The following LINGO2 variants were observed in gnomAD, a reference collection of about 807,000 sequenced individuals.
The protein encoded by LINGO2 is leucine rich repeat and Ig domain containing 2, also known as leucine-rich repeat and immunoglobulin-like domain-containing nogo receptor-interacting protein 2.
A neutral mutation model predicts 30.6 loss-of-function variants in LINGO2; 14 were observed. The observed-to-expected ratio is 0.46, with a 90% CI of 0.30 to 0.72. LINGO2 has a LOEUF of 0.72. Ranked by LOEUF, LINGO2 falls within the 30% of genes least tolerant of loss-of-function variation. The pLI, the probability that LINGO2 is intolerant of heterozygous loss-of-function variation, is 0.07. For synonymous variants in LINGO2, 317 were observed against 288.5 expected, an observed-to-expected ratio of 1.10 and a Z score of -1.00; for missense variants, 729 against 751.7, an observed-to-expected ratio of 0.97 and a Z score of 0.35.
At chr9:28,476,608 G>A (rs934695007) in intron 1 of LINGO2, among the ~76,000 whole-genome samples, 1 of 152,178 alleles carries the variant, frequency 6.6e-6, no homozygotes, top group African/African-American at 2.4e-5. Flanking sequence ...ATGAATAAAG[G>A]AAACTCATGT....
chr9:28,417,958 C>T (rs1452150978), intron 2 of LINGO2, among the ~76,000 whole-genome samples: 2 of 152,124 alleles, frequency 1.3e-5, no homozygotes, highest in African/African-American at 4.8e-5. Flanking sequence ...TAATCATTAA[C>T]TCCTTGGGTG....
the LINGO2 span, among the ~76,000 whole-genome samples, chr9:28,694,490 C>G: frequency 6.6e-6 from 1 of 151,994 alleles, no homozygotes; most frequent in African/African-American, 2.4e-5. Flanking sequence ...AAAGGATTTC[C>G]TGATGAAAAT....
the LINGO2 span, among the ~76,000 whole-genome samples, chr9:29,124,100 A>T: frequency 1.3e-5 from 2 of 152,294 alleles, no homozygotes; most frequent in African/African-American, 4.8e-5. Context: ...CCTCAGAAAT[A>T]AAACCACACA....
At chr9:28,831,056 G>C in the LINGO2 span, among the ~76,000 whole-genome samples, 2 of 152,176 alleles carry the variant, frequency 1.3e-5, no homozygotes, top group Non-Finnish European at 2.9e-5. Flanking sequence ...GGAAAATGGT[G>C]GATTTCTTTT....
intron 5 of LINGO2, among the ~76,000 whole-genome samples, chr9:27,995,255 C>T (rs1360267170): frequency 2.0e-5 from 3 of 152,024 alleles, no homozygotes; most frequent in African/African-American, 7.2e-5. Context: ...TAAAAAGCCT[C>T]CCATCATAAA....
intron 4 of LINGO2, among the ~76,000 whole-genome samples, chr9:28,084,921 T>C (rs1351284669): frequency 2.6e-5 from 4 of 152,164 alleles, no homozygotes; most frequent in Non-Finnish European, 5.9e-5. Flanking sequence ...AGAAGATCTT[T>C]TGCAGGAGCT....
the LINGO2 span, among the ~76,000 whole-genome samples, chr9:28,986,944 T>A: frequency 4.6e-5 from 7 of 152,058 alleles, no homozygotes; most frequent in Non-Finnish European, 1.0e-4. Flanking sequence ...TTTTTGTAGC[T>A]ATTATAACTG....
the LINGO2 span, among the ~76,000 whole-genome samples, chr9:28,891,543 A>G: frequency 6.6e-6 from 1 of 151,892 alleles, no homozygotes; most frequent in Non-Finnish European, 1.5e-5. Flanking sequence ...AAATCTACTA[A>G]TAACATTGTC....
chr9:27,942,945 A>T, the LINGO2 span: 1 of 152,166 alleles, frequency 6.6e-6, no homozygotes, highest in African/African-American at 2.4e-5. Flanking sequence ...AACTGGGGAG[A>T]AAAACAGCAT....
chr9:28,521,421 A>G (rs904589997), intron 1 of LINGO2, among the ~76,000 whole-genome samples: 1 of 152,158 alleles, frequency 6.6e-6, no homozygotes, highest in Non-Finnish European at 1.5e-5. Context: ...TAGATTCATG[A>G]GGCCCTATGG....
At chr9:28,686,832 T>C in the LINGO2 span, among the ~76,000 whole-genome samples, 1 of 152,032 alleles carries the variant, frequency 6.6e-6, no homozygotes, top group Non-Finnish European at 1.5e-5. Flanking sequence ...TAATTTCTGG[T>C]GATAGGAGTA....
intron 4 of LINGO2, among the ~76,000 whole-genome samples, chr9:28,258,447 A>T (rs145810506): frequency 0.01 from 1,540 of 152,034 alleles, 20 homozygotes; most frequent in South Asian, 0.051. Flanking sequence ...GTCAATATAA[A>T]CATATAAAAA....
the LINGO2 span, among the ~76,000 whole-genome samples, chr9:28,903,463 A>AT: frequency 6.6e-6 from 1 of 152,108 alleles, no homozygotes; most frequent in South Asian, 2.1e-4. Context: ...TTATTCATTC[A>AT]TTCATCCATC....
At chr9:27,955,749 G>T (rs1449359078) in intron 5 of LINGO2, among the ~76,000 whole-genome samples, 1 of 151,836 alleles carries the variant, frequency 6.6e-6, no homozygotes, top group Non-Finnish European at 1.5e-5. Context: ...AAACATCTTT[G>T]TGCATACTTA....
At chr9:28,807,079 C>A in the LINGO2 span, among the ~76,000 whole-genome samples, 1 of 151,786 alleles carries the variant, frequency 6.6e-6, no homozygotes, top group Non-Finnish European at 1.5e-5. Flanking sequence ...GGCTGGAGTG[C>A]AGTGGCGCAA....
chr9:29,117,527 G>A, the LINGO2 span, among the ~76,000 whole-genome samples: 1 of 152,148 alleles, frequency 6.6e-6, no homozygotes, highest in East Asian at 1.9e-4. Flanking sequence ...ATCCCACCTA[G>A]AGTCAAAGAG....
At chr9:28,341,461 G>A (rs1825762733) in intron 3 of LINGO2, among the ~76,000 whole-genome samples, 1 of 151,936 alleles carries the variant, frequency 6.6e-6, no homozygotes, top group Non-Finnish European at 1.5e-5. Context: ...ACAAAGCAAA[G>A]ACAAAACATT....
chr9:28,254,956 C>G (rs1822333229), intron 4 of LINGO2, among the ~76,000 whole-genome samples: 1 of 151,874 alleles, frequency 6.6e-6, no homozygotes, highest in South Asian at 2.1e-4. Flanking sequence ...GTGTGTTGCT[C>G]CTATGTGTCC....
chr9:28,029,394 G>T (rs1314271383), intron 4 of LINGO2, among the ~76,000 whole-genome samples: 1 of 152,126 alleles, frequency 6.6e-6, no homozygotes, highest in South Asian at 2.1e-4. Flanking sequence ...ATTAAAAACA[G>T]GCAGGGTACT....
Sources: gnomAD v4.1 joint callset for allele counts (sites outside exome capture counted in the v4.1 genomes callset) on GRCh38, gnomAD v4.1.1 for gene constraint, MANE v1.5 for transcripts, NCBI Gene and HGNC (gene_info 2026-07-23, HGNC 2026-07-21) for gene names.